SHROOM3: variants seen among roughly 807,000 people sequenced by gnomAD.
SHROOM3 encodes the protein protein Shroom3.
Under a neutral mutation model 138.6 loss-of-function variants are expected in SHROOM3, and 47 were observed. The observed-to-expected ratio is 0.34, with a 90% CI of 0.27 to 0.43. The LOEUF (loss-of-function observed/expected upper bound fraction) is 0.43. Ranked by LOEUF, SHROOM3 falls within the 20% of genes least tolerant of loss-of-function variation. The pLI is 1.00. For synonymous variants in SHROOM3, 1,062 were observed against 1,063.3 expected (o/e 1.00, Z 0.02); for missense variants, 2,491 against 2,596.5 (o/e 0.96, Z 0.88).
intron 1 of SHROOM3, among the ~76,000 whole-genome samples, chr4:76,440,851 A>G (rs1349550580): frequency 6.6e-6 from 1 of 152,008 alleles, no homozygotes; most frequent in African/African-American, 2.4e-5. Context: ...CTCATTATAA[A>G]TCTTGCTGGT....
At chr4:76,767,823 C>T (rs182039589) in intron 9 of SHROOM3, among the ~76,000 whole-genome samples, 6 of 152,238 alleles carry the variant, frequency 3.9e-5, no homozygotes, top group African/African-American at 1.2e-4. Context: ...CAAAAAAAGT[C>T]ATTAATAGAA....
At chr4:76,444,537 A>G (rs1730766459) in intron 1 of SHROOM3, among the ~76,000 whole-genome samples, 1 of 116,590 alleles carries the variant, frequency 8.6e-6, no homozygotes, top group Admixed American at 1.3e-4. Flanking sequence ...TCTGTCGCCC[A>G]GGCTGGAGTG....
intron 2 of SHROOM3, among the ~76,000 whole-genome samples, chr4:76,626,040 G>T (rs1025929462): frequency 1.3e-5 from 2 of 152,202 alleles, no homozygotes; most frequent in Non-Finnish European, 2.9e-5. Context: ...AGAGCAGAGG[G>T]CAGAATGTGC....
chr4:76,538,362 A>G (rs940786307), intron 1 of SHROOM3, among the ~76,000 whole-genome samples: 1 of 152,218 alleles, frequency 6.6e-6, no homozygotes, highest in Non-Finnish European at 1.5e-5. Flanking sequence ...GAGTCTGACC[A>G]TGGAAGTTGA....
chr4:76,757,030 C>A, intron 8 of SHROOM3, 93 bp downstream of exon 8: 1 of 1,591,526 alleles, frequency 6.3e-7, no homozygotes, highest in Non-Finnish European at 8.6e-7. Flanking sequence ...TGATGTTCTC[C>A]TACTGCCACA....
At position 76,477,264 on chromosome 4, in the gene SHROOM3, C is replaced by T. The variant is rs926502782; in HGVS notation, c.168+41044C>T. Reference sequence around the variant, plus strand: ...GATTATGGGCGTGAGCCACCACACCCGGCCTATCTTAACTAGTTCTTATGG... The same window carrying T: ...GATTATGGGCGTGAGCCACCACACCTGGCCTATCTTAACTAGTTCTTATGG... On this transcript the variant is annotated intron_variant, in intron 1 of 10. Coordinates refer to ENST00000296043, the MANE Select transcript of SHROOM3 (RefSeq NM_020859.4). Among the ~76,000 whole-genome samples the T allele has an allele frequency of 8.5e-5, 13 of 152,298 alleles. No individual in the cohort carries two copies. The East Asian group carries it at 1.5e-3, about 18-fold the overall frequency.
rs370925022 is a variant in SHROOM3, at chr4:76,654,508, T to A, written c.324-55648T>A. ...TGCCCAGCTAATTTTTGTATTTTTT[T>A]TGTAGAGATGGGGTTTCACCATGTT... On this transcript the variant is annotated intron_variant, in intron 2 of 10. Coordinates refer to ENST00000296043, the MANE Select transcript of SHROOM3 (RefSeq NM_020859.4). Among the ~76,000 whole-genome samples, 6 of 152,086 alleles carry A rather than the reference T, an allele frequency of 3.9e-5. No homozygotes were observed. In the East Asian group the frequency reaches 9.6e-4, roughly 24 times the overall value.
chr4:76,480,553 C>T (rs1344182941), intron 1 of SHROOM3, among the ~76,000 whole-genome samples: 3 of 152,088 alleles, frequency 2.0e-5, no homozygotes, highest in African/African-American at 4.8e-5. Context: ...ACTTTAACAC[C>T]CCACTGTCAA....
intron 2 of SHROOM3, among the ~76,000 whole-genome samples, chr4:76,570,707 C>A (rs1171623923): frequency 6.6e-6 from 1 of 152,090 alleles, no homozygotes; most frequent in Non-Finnish European, 1.5e-5. Context: ...TAATTTTAGG[C>A]TCTTTCAAGA....
At position 76,744,717 on chromosome 4, in the gene SHROOM3, T is replaced by A. The variant is rs1721374766; in HGVS notation, c.3753+2791T>A. Among the ~76,000 whole-genome samples, 6 of 152,366 alleles carry A rather than the reference T, an allele frequency of 3.9e-5. No homozygotes were observed. The South Asian group carries it at 1.2e-3, about 32-fold the overall frequency. On this transcript the variant is annotated intron_variant, in intron 5 of 10. Coordinates refer to ENST00000296043, the MANE Select transcript of SHROOM3 (RefSeq NM_020859.4). ...GTTAAGTGAACTTGTAGAGACTGTC[T>A]GCCTGAGTTAAAACCACAATGTGGA...
intron 5 of SHROOM3, among the ~76,000 whole-genome samples, chr4:76,745,801 CA>C (rs1721416397): frequency 6.6e-6 from 1 of 152,028 alleles, no homozygotes; most frequent in South Asian, 2.1e-4. Context: ...GCCAACATGG[CA>C]AAAACCCATC....
intron 2 of SHROOM3, among the ~76,000 whole-genome samples, chr4:76,670,205 G>A (rs1718836748): frequency 6.6e-6 from 1 of 152,182 alleles, no homozygotes; most frequent in African/African-American, 2.4e-5. Context: ...TCATCAACTT[G>A]TAAATAGAAA....
At chr4:76,672,416 G>T (rs1210040733) in intron 2 of SHROOM3, among the ~76,000 whole-genome samples, 1 of 71,728 alleles carries the variant, frequency 1.4e-5, no homozygotes, top group Non-Finnish European at 2.7e-5. Context: ...TCAAATTAGG[G>T]ACCAAAAAAA....
chr4:76,699,298 A>C (rs560656498), intron 2 of SHROOM3, among the ~76,000 whole-genome samples: 1 of 152,182 alleles, frequency 6.6e-6, no homozygotes, highest in Admixed American at 6.5e-5. Flanking sequence ...CATGTAGAAC[A>C]TGCTCATCCC....
chr4:76,748,359 C>T (rs1198747005), intron 5 of SHROOM3, among the ~76,000 whole-genome samples: 1 of 152,030 alleles, frequency 6.6e-6, no homozygotes, highest in African/African-American at 2.4e-5. Context: ...ATGGCAACAT[C>T]ATCATCTTCA....
chr4:76,441,869 T>C (rs918037476), intron 1 of SHROOM3, among the ~76,000 whole-genome samples: 3 of 152,184 alleles, frequency 2.0e-5, no homozygotes, highest in African/African-American at 7.2e-5. Context: ...ATTACAGGCA[T>C]GCGCCACCAC....
At chr4:76,638,662 A>G (rs1735571759) in intron 2 of SHROOM3, among the ~76,000 whole-genome samples, 1 of 152,252 alleles carries the variant, frequency 6.6e-6, no homozygotes, top group African/African-American at 2.4e-5. Flanking sequence ...TTTAAATAGC[A>G]TAATTCATCC....
At chr4:76,526,581 G>C (rs1390873560) in intron 1 of SHROOM3, among the ~76,000 whole-genome samples, 1 of 152,158 alleles carries the variant, frequency 6.6e-6, no homozygotes, top group African/African-American at 2.4e-5. Context: ...GGAAGAGAAC[G>C]TCTACAGGAG....
chr4:76,776,107 T>C (rs1722557048), intron 10 of SHROOM3, among the ~76,000 whole-genome samples: 2 of 152,162 alleles, frequency 1.3e-5, no homozygotes, highest in Admixed American at 1.3e-4. Flanking sequence ...TGTAAAAGTG[T>C]TCCCTTTTCA....
Sources: allele counts gnomAD v4.1 joint callset (sites outside exome capture counted in the v4.1 genomes callset), GRCh38; gene constraint gnomAD v4.1.1; transcripts MANE v1.5; gene names NCBI Gene and HGNC (gene_info 2026-07-23, HGNC 2026-07-21).